Variants in HERPUD2 observed in about 807,000 individuals in gnomAD.
HERPUD2 encodes the protein homocysteine-responsive endoplasmic reticulum-resident ubiquitin-like domain member 2 protein.
Under a neutral mutation model 49.9 loss-of-function variants are expected in HERPUD2, and 13 were observed. The ratio of observed to expected loss-of-function variants is 0.26; its 90% CI spans 0.17 to 0.41. The LOEUF is 0.41. Ranked by LOEUF, HERPUD2 falls within the 10% of genes least tolerant of loss-of-function variation. HERPUD2 has a pLI of 1.00. For synonymous variants in HERPUD2, 172 were observed against 171.4 expected (o/e 1.00, Z -0.03); for missense variants, 449 against 492.2 (o/e 0.91, Z 0.83).
chr7:35,634,329 A>G lies in HERPUD2; in HGVS notation c.1042T>C (p.Leu348=). 1 of 1,611,172 alleles carries G rather than the reference A, an allele frequency of 6.2e-7. No individual in the cohort carries two copies. Among genetic ancestry groups the G allele is most frequent in the Non-Finnish European group, 8.5e-7 (1 of 1,177,364 alleles). ...VNNDGQNANN[L]ELEEMERLMD... ...TCACATACCATTTCTTCAAGTTCCA[A>G]GTTGTTTGCATTTTGCCCATCATTG... The change falls in exon 8 of 9, where the codon TTG becomes CTG. Residue 348 remains leucine (L), a synonymous_variant. Transcript: ENST00000311350.
intron 5 of HERPUD2, among the ~76,000 whole-genome samples, chr7:35,645,212 A>G (rs1467059013): frequency 2.0e-5 from 3 of 152,206 alleles, no homozygotes; most frequent in Admixed American, 2.0e-4. Context: ...ATATAAAAAT[A>G]CTGACTGTTT....
intron 5 of HERPUD2, among the ~76,000 whole-genome samples, chr7:35,640,018 C>A (rs550188138): frequency 6.6e-6 from 1 of 152,280 alleles, no homozygotes; most frequent in East Asian, 1.9e-4. Context: ...GATGACACAG[C>A]ACCTCCCCAC....
At chr7:35,651,756 G>C (rs927292886) in intron 5 of HERPUD2, among the ~76,000 whole-genome samples, 2 of 151,458 alleles carry the variant, frequency 1.3e-5, no homozygotes, top group African/African-American at 4.9e-5. Flanking sequence ...GTGAAATCCA[G>C]AAAACTAATT....
At chr7:35,646,548 T>A (rs1204984690) in intron 5 of HERPUD2, among the ~76,000 whole-genome samples, 1 of 152,040 alleles carries the variant, frequency 6.6e-6, no homozygotes. Flanking sequence ...ATCGACAGAG[T>A]GAGACTCCAT....
At chr7:35,666,113 G>A (rs1322127879) in intron 5 of HERPUD2, among the ~76,000 whole-genome samples, 1 of 152,184 alleles carries the variant, frequency 6.6e-6, no homozygotes, top group Non-Finnish European at 1.5e-5. Context: ...GTGAATTACT[G>A]TCATAAGACA....
At chr7:35,667,841 T>A (rs1457049595) in intron 4 of HERPUD2, among the ~76,000 whole-genome samples, 1 of 152,160 alleles carries the variant, frequency 6.6e-6, no homozygotes, top group Admixed American at 6.5e-5. Context: ...AATAATAATA[T>A]ACAAAAACAG....
At chr7:35,676,390 A>T (rs1785762475) in intron 2 of HERPUD2, among the ~76,000 whole-genome samples, 1 of 152,132 alleles carries the variant, frequency 6.6e-6, no homozygotes, top group African/African-American at 2.4e-5. Context: ...GGAACCTCAA[A>T]TTGCACATTT....
chr7:35,674,643 G>A (rs1785721453), intron 2 of HERPUD2, among the ~76,000 whole-genome samples: 1 of 151,808 alleles, frequency 6.6e-6, no homozygotes, highest in Non-Finnish European at 1.5e-5. Flanking sequence ...GTGATTAGAA[G>A]GTTGCAACTT....
chr7:35,639,788 TTATCA>T (rs1784938906), intron 5 of HERPUD2, among the ~76,000 whole-genome samples: 1 of 152,192 alleles, frequency 6.6e-6, no homozygotes, highest in Admixed American at 6.5e-5. Context: ...GAGCTAAGCC[TTATCA>T]ACAGGCTATA....
intron 5 of HERPUD2, among the ~76,000 whole-genome samples, chr7:35,656,743 C>T (rs1785283104): frequency 6.6e-6 from 1 of 152,046 alleles, no homozygotes. Context: ...ACAAAGGTGT[C>T]AAGAACATAC....
At chr7:35,662,106 G>A (rs553370329) in intron 5 of HERPUD2, among the ~76,000 whole-genome samples, 37 of 152,218 alleles carry the variant, frequency 2.4e-4, no homozygotes, top group South Asian at 1.0e-3. Flanking sequence ...TTTTGTAAAG[G>A]CCTTTTCTGC....
intron 4 of HERPUD2, among the ~76,000 whole-genome samples, chr7:35,669,135 C>CA (rs879773592): frequency 3.3e-5 from 5 of 151,312 alleles, no homozygotes; most frequent in Non-Finnish European, 7.4e-5. Context: ...CCGACGACTA[C>CA]AAAAAAAAAC....
At chr7:35,661,311 G>A (rs568423082) in intron 5 of HERPUD2, among the ~76,000 whole-genome samples, 8 of 152,260 alleles carry the variant, frequency 5.3e-5, no homozygotes, top group South Asian at 2.1e-4. Flanking sequence ...GTCAGGTAGC[G>A]TGATGCCTCC....
intron 5 of HERPUD2, among the ~76,000 whole-genome samples, chr7:35,642,666 G>A (rs1784984697): frequency 6.6e-6 from 1 of 152,188 alleles, no homozygotes; most frequent in South Asian, 2.1e-4. Flanking sequence ...GAACATGGAT[G>A]GAGCTGGAGG....
intron 4 of HERPUD2, chr7:35,668,696 T>A (rs149983082): frequency 1.3e-5 from 2 of 153,878 alleles, no homozygotes; most frequent in Non-Finnish European, 2.9e-5. Flanking sequence ...TCACACACAA[T>A]AGATATCAAA....
Position 35,637,156 on chromosome 7 carries a change from AAGAAAGAT to A in HERPUD2, c.617+1186_617+1193del, listed in dbSNP as rs1249576430. ...TCAAAAAAAAAGAAAGAAAGAAAGAAAGAAAGATAGATAGATAGATAGATAGATAGATA... is the reference window on the plus strand; with the variant it reads ...TCAAAAAAAAAGAAAGAAAGAAAGAAAGATAGATAGATAGATAGATAGATA... On this transcript the variant is annotated intron_variant, in intron 6 of 8. Transcript: ENST00000311350. Among the ~76,000 whole-genome samples, 599 of 142,474 alleles carry A rather than the reference AAGAAAGAT, an allele frequency of 4.2e-3. 3 individuals are homozygous for A. The highest frequency in any genetic ancestry group is 0.014 in the Middle Eastern group (4 of 276). The allele number at this position is 142,474 out of a possible 152,430, so 93.5% of individuals were successfully genotyped here.
intron 5 of HERPUD2, among the ~76,000 whole-genome samples, chr7:35,649,724 T>G (rs1421711952): frequency 6.6e-6 from 1 of 152,196 alleles, no homozygotes; most frequent in African/African-American, 2.4e-5. Context: ...ATGTCTGAGT[T>G]ATGATAAGGG....
intron 6 of HERPUD2, 117 bp from the exon 7 acceptor site, chr7:35,635,575 A>G (rs1354683558): frequency 1.5e-5 from 12 of 802,704 alleles, no homozygotes; most frequent in Non-Finnish European, 2.3e-5. Flanking sequence ...GGAATATCCC[A>G]ACTCCTGCAC....
chr7:35,663,897 A>G (rs1277322621), intron 5 of HERPUD2, among the ~76,000 whole-genome samples: 1 of 152,130 alleles, frequency 6.6e-6, no homozygotes. Flanking sequence ...ATTTACATTT[A>G]AGGTTAATAT....
Sources: allele counts gnomAD v4.1 joint callset (sites outside exome capture counted in the v4.1 genomes callset), GRCh38; gene constraint gnomAD v4.1.1; transcripts MANE v1.5; gene names NCBI Gene and HGNC (gene_info 2026-07-23, HGNC 2026-07-21).